The following MEGF11 variants were observed in gnomAD, a reference collection of about 807,000 sequenced individuals.
The protein encoded by MEGF11 is multiple epidermal growth factor-like domains protein 11.
In MEGF11, 126 loss-of-function variants were observed where a neutral mutation model predicts 146.6. The observed-to-expected ratio is 0.86, with a 90% CI of 0.74 to 1.00. MEGF11 has a LOEUF of 1.00. MEGF11 is among the 50% of genes least tolerant of loss of function. The pLI is 0.00. For missense variants in MEGF11, 1,509 were observed against 1,521.2 expected (o/e 0.99, Z 0.13); for synonymous variants, 532 against 583.4 (o/e 0.91, Z 1.27).
intron 21 of MEGF11, among the ~76,000 whole-genome samples, chr15:65,911,046 C>T (rs1430187551): frequency 6.6e-6 from 1 of 152,180 alleles, no homozygotes; most frequent in Non-Finnish European, 1.5e-5. Flanking sequence ...TATGTATTAT[C>T]TACACATAGG....
chr15:65,935,865 C>T (rs2079765213), intron 10 of MEGF11, among the ~76,000 whole-genome samples: 1 of 152,172 alleles, frequency 6.6e-6, no homozygotes, highest in South Asian at 2.1e-4. Context: ...AACTTCTAGC[C>T]TCTGATCTGA....
chr15:66,008,411 G>GCACA (rs995843726), intron 5 of MEGF11, among the ~76,000 whole-genome samples: 89 of 52,104 alleles, frequency 1.7e-3, no homozygotes, highest in African/African-American at 4.1e-3. Context: ...ACGCGCGCGC[G>GCACA]CACACACACA....
rs777384356 is a variant in MEGF11, at chr15:65,909,745, A to G, written c.2891T>C (p.Val964Ala). 3 of 1,578,224 alleles carry G rather than the reference A, an allele frequency of 1.9e-6. No individual in the cohort carries two copies. In the South Asian group the frequency reaches 3.4e-5, roughly 18 times the overall value. ...AGACTCACACCACTACTGACCTAAC[A>G]CGTTCACATAGCTGTAGGGGGTCCA... ...AGWTPYSYVN[V>A]LDSHFQISAL... The change falls in exon 22 of 26, where the codon GTG becomes GCG. Residue 964 changes from valine to alanine, a missense_variant. Transcript: ENST00000395614.
chr15:66,199,499 C>T, intron 1 of MEGF11, among the ~76,000 whole-genome samples: 1 of 152,158 alleles, frequency 6.6e-6, no homozygotes, highest in Non-Finnish European at 1.5e-5. Context: ...GGGCCAGGAC[C>T]CTGCTCCCCA....
rs750739753 is a variant in MEGF11, at chr15:65,928,448, C to T, written c.1652G>A (p.Cys551Tyr). 1 of 1,601,800 alleles carries T rather than the reference C, an allele frequency of 6.2e-7. No homozygotes were observed. Among genetic ancestry groups the T allele is most frequent in the Non-Finnish European group, 8.5e-7 (1 of 1,172,422 alleles). Residue 551 changes from cysteine to tyrosine, a missense_variant, in exon 13 of 26, where the codon TGC (cysteine) becomes TAC (tyrosine). By Grantham distance (194) the Cys-to-Tyr change is radical. Coordinates refer to ENST00000395614, the MANE Select transcript of MEGF11 (RefSeq NM_001385028.1). Reference sequence around the variant, plus strand: ...ACCTGTCCATCCGGCCAGGCAGCAGCAGTGGCCTGTGACGGGGTCACATCC... The same window carrying T: ...ACCTGTCCATCCGGCCAGGCAGCAGTAGTGGCCTGTGACGGGGTCACATCC... Reference protein sequence around the residue: ...ADGCDPVTGHCCCLAGWTGIR... With the variant: ...ADGCDPVTGHYCCLAGWTGIR...
chr15:66,211,249 C>T (rs1157727171), intron 1 of MEGF11, among the ~76,000 whole-genome samples: 1 of 152,212 alleles, frequency 6.6e-6, no homozygotes, highest in Non-Finnish European at 1.5e-5. Context: ...TCCAGCCGGG[C>T]TTGGTGGCTC....
intron 5 of MEGF11, among the ~76,000 whole-genome samples, chr15:66,027,836 AGC>A (rs2083388552): frequency 6.6e-6 from 1 of 152,204 alleles, no homozygotes; most frequent in Non-Finnish European, 1.5e-5. Context: ...ACCCCAGGCT[AGC>A]GTTCTTAAGC....
At position 66,128,312 on chromosome 15, in the gene MEGF11, C is replaced by A. The variant is rs1274386732; in HGVS notation, c.92G>T (p.Trp31Leu). 2.0e-6 allele frequency: 3 copies of A among 1,510,636 alleles called. No homozygotes were observed. The Admixed American group carries it at 6.7e-5, about 34-fold the overall frequency. 93.6% of individuals were successfully genotyped at this position (1,510,636 alleles called of 1,614,324 possible). Reference protein sequence around the residue: ...NPEDPNVCSHWESYAVTVQES... With the variant: ...NPEDPNVCSHLESYAVTVQES... ...TCTGAGGCCCACACCTTACCTCTCC[C>A]AGTGGCTGCACACGTTGGGGTCCTC... The change falls in exon 2 of 26, where the codon TGG becomes TTG. Residue 31 changes from tryptophan (W) to leucine (L), a missense_variant. Physicochemically the swap from Trp to Leu is moderately conservative, Grantham distance 61. Coordinates refer to ENST00000395614, the MANE Select transcript of MEGF11 (RefSeq NM_001385028.1).
At chr15:65,929,105 A>G (rs770997608) in intron 12 of MEGF11, among the ~76,000 whole-genome samples, 2 of 152,222 alleles carry the variant, frequency 1.3e-5, no homozygotes, top group Non-Finnish European at 2.9e-5. Flanking sequence ...AACATGCTCA[A>G]GGTAACAAAG....
At chr15:66,139,239 A>G (rs1294085932) in intron 1 of MEGF11, among the ~76,000 whole-genome samples, 3 of 152,168 alleles carry the variant, frequency 2.0e-5, no homozygotes, top group South Asian at 2.1e-4. Context: ...TGAGCACCCT[A>G]TATGCCCTCC....
intron 1 of MEGF11, among the ~76,000 whole-genome samples, chr15:66,225,295 C>T (rs1359352179): frequency 1.3e-5 from 2 of 152,228 alleles, no homozygotes; most frequent in East Asian, 3.9e-4. Flanking sequence ...GAAAAAGAGG[C>T]CTCTTCAGCA....
chr15:66,134,558 C>T (rs1331905804), intron 1 of MEGF11, among the ~76,000 whole-genome samples: 4 of 152,226 alleles, frequency 2.6e-5, no homozygotes, highest in Non-Finnish European at 5.9e-5. Context: ...AGGTGTCCCT[C>T]ATGCCCTGCA....
chr15:66,073,952 A>G (rs2085473714), intron 5 of MEGF11, among the ~76,000 whole-genome samples: 1 of 152,258 alleles, frequency 6.6e-6, no homozygotes, highest in South Asian at 2.1e-4. Flanking sequence ...TTTCTTTTGC[A>G]TATGGACTGT....
chr15:66,131,494 G>A (rs553211446), intron 1 of MEGF11, among the ~76,000 whole-genome samples: 1 of 152,336 alleles, frequency 6.6e-6, no homozygotes, highest in South Asian at 2.1e-4. Flanking sequence ...TAGAGAAAGG[G>A]CATTTCTGGG....
chr15:66,138,822 A>G (rs1305309655), intron 1 of MEGF11, among the ~76,000 whole-genome samples: 1 of 152,246 alleles, frequency 6.6e-6, no homozygotes, highest in Admixed American at 6.5e-5. Flanking sequence ...TGTGAACAGC[A>G]TAGCCCCAGG....
chr15:66,086,572 G>A (rs531393145), intron 5 of MEGF11, among the ~76,000 whole-genome samples: 1 of 152,176 alleles, frequency 6.6e-6, no homozygotes, highest in African/African-American at 2.4e-5. Flanking sequence ...AGCATCATAT[G>A]TGAAGGAAAG....
At chr15:66,098,254 C>T (rs916684777) in intron 4 of MEGF11, among the ~76,000 whole-genome samples, 4 of 152,104 alleles carry the variant, frequency 2.6e-5, no homozygotes, top group South Asian at 4.1e-4. Context: ...CTTGGGGTCT[C>T]CTCTGCAATC....
chr15:65,980,706 C>T, intron 7 of MEGF11, 72 bp downstream of exon 7: 1 of 1,484,518 alleles, frequency 6.7e-7, no homozygotes, highest in South Asian at 1.4e-5. Context: ...CTAGTTTAGC[C>T]TTTTAAGGTA....
chr15:66,232,581 C>T (rs1013798818), intron 1 of MEGF11, among the ~76,000 whole-genome samples: 4 of 152,190 alleles, frequency 2.6e-5, no homozygotes, highest in Non-Finnish European at 4.4e-5. Flanking sequence ...TCTCCTGCCT[C>T]ATTTCCCAGC....
Sources: gnomAD v4.1 joint callset for allele counts (sites outside exome capture counted in the v4.1 genomes callset) on GRCh38, gnomAD v4.1.1 for gene constraint, MANE v1.5 for transcripts, NCBI Gene and HGNC (gene_info 2026-07-23, HGNC 2026-07-21) for gene names.